Variants in DCTN4 observed in about 807,000 individuals in gnomAD.
DCTN4 encodes the protein dynactin 4 (p62).
Under a neutral mutation model 62.7 loss-of-function variants are expected in DCTN4, and 23 were observed. The observed-to-expected ratio is 0.37, with a 90% CI of 0.26 to 0.52. DCTN4 has a LOEUF of 0.52. Among genes scored for constraint, DCTN4 ranks in the 20% least tolerant of loss-of-function variants. The pLI is 0.92. For synonymous variants in DCTN4, 199 were observed against 202.1 expected, an observed-to-expected ratio of 0.98 and a Z score of 0.13; for missense variants, 514 against 580.4, an observed-to-expected ratio of 0.89 and a Z score of 1.18.
intron 11 of DCTN4, among the ~76,000 whole-genome samples, chr5:150,716,591 G>C (rs913904200): frequency 2.0e-5 from 3 of 152,076 alleles, no homozygotes; most frequent in Non-Finnish European, 4.4e-5. Flanking sequence ...ACTTATTTCT[G>C]TCTGTCTTAA....
At chr5:150,742,230 T>G in intron 3 of DCTN4, 73 bp from the exon 4 acceptor site, 1 of 1,465,850 alleles carries the variant, frequency 6.8e-7, no homozygotes, top group Non-Finnish European at 9.5e-7. Context: ...AAGTCTTCTG[T>G]AGGCCATAAA....
At chr5:150,746,327 A>C (rs1478781709) in intron 3 of DCTN4, among the ~76,000 whole-genome samples, 1 of 152,258 alleles carries the variant, frequency 6.6e-6, no homozygotes, top group Non-Finnish European at 1.5e-5. Context: ...GTCCAGGACC[A>C]GATGGAATCA....
intron 4 of DCTN4, among the ~76,000 whole-genome samples, chr5:150,741,564 T>G (rs1760772021): frequency 6.6e-6 from 1 of 152,180 alleles, no homozygotes. Context: ...CAATGCAGAC[T>G]CGAAAACCTA....
chr5:150,731,793 G>A (rs1760380191), intron 5 of DCTN4: 3 of 1,148,878 alleles, frequency 2.6e-6, no homozygotes, highest in Admixed American at 2.0e-5. Context: ...ACTATGTGGA[G>A]TGTCTAAGAT....
At chr5:150,720,444 AAT>A (rs1295334823) in intron 9 of DCTN4, among the ~76,000 whole-genome samples, 1 of 152,068 alleles carries the variant, frequency 6.6e-6, no homozygotes, top group African/African-American at 2.4e-5. Flanking sequence ...TAAGAATTTG[AAT>A]TCAGTAGGTC....
intron 1 of DCTN4, chr5:150,758,639 G>T: frequency 8.0e-7 from 1 of 1,248,400 alleles, no homozygotes; most frequent in African/African-American, 1.5e-5. Flanking sequence ...CCAATCAGAG[G>T]CCGCTCTAGA....
intron 2 of DCTN4, among the ~76,000 whole-genome samples, chr5:150,755,746 A>G (rs1003182120): frequency 2.0e-5 from 3 of 152,162 alleles, no homozygotes; most frequent in Admixed American, 1.3e-4. Flanking sequence ...ATATCCTGAA[A>G]AGAATCCTGG....
At chr5:150,738,371 AT>A (rs1760654572) in intron 4 of DCTN4, among the ~76,000 whole-genome samples, 1 of 152,296 alleles carries the variant, frequency 6.6e-6, no homozygotes, top group African/African-American at 2.4e-5. Flanking sequence ...CCTTAACGAA[AT>A]ACTAGTTAAC....
intron 8 of DCTN4, among the ~76,000 whole-genome samples, chr5:150,726,482 C>T (rs1284072728): frequency 6.6e-6 from 1 of 152,140 alleles, no homozygotes; most frequent in Non-Finnish European, 1.5e-5. Flanking sequence ...CAGTACAATT[C>T]ACTTAGTGGT....
intron 3 of DCTN4, among the ~76,000 whole-genome samples, chr5:150,748,103 A>C (rs1407537468): frequency 1.3e-5 from 2 of 152,186 alleles, no homozygotes; most frequent in South Asian, 2.1e-4. Flanking sequence ...AGAAAAAAAC[A>C]ACCTCATCAA....
intron 5 of DCTN4, chr5:150,731,999 GAAAA>G: frequency 9.4e-7 from 1 of 1,063,940 alleles, no homozygotes; most frequent in Non-Finnish European, 1.4e-6. Context: ...GGTTATATGG[GAAAA>G]TTGGAAGAAT....
At chr5:150,713,761 C>T (rs748042587) in intron 12 of DCTN4, among the ~76,000 whole-genome samples, 1 of 151,150 alleles carries the variant, frequency 6.6e-6, no homozygotes, top group African/African-American at 2.4e-5. Flanking sequence ...ATTTTTCTAA[C>T]CCACCTTGTT....
intron 4 of DCTN4, 112 bp downstream of exon 4, chr5:150,742,002 G>GT: frequency 1.1e-6 from 1 of 882,174 alleles, no homozygotes; most frequent in Middle Eastern, 2.2e-4. Flanking sequence ...GTGCAAAGAC[G>GT]TATTATGGAC....
At chr5:150,729,460 T>C (rs2113045738) in intron 8 of DCTN4, among the ~76,000 whole-genome samples, 1 of 152,246 alleles carries the variant, frequency 6.6e-6, no homozygotes, top group South Asian at 2.1e-4. Flanking sequence ...TTTATACTCT[T>C]ACCCATTCCT....
intron 8 of DCTN4, among the ~76,000 whole-genome samples, chr5:150,730,067 A>T (rs1475756413): frequency 1.3e-5 from 2 of 152,222 alleles, no homozygotes; most frequent in African/African-American, 4.8e-5. Context: ...CAGCTGCACT[A>T]TCACATTTCA....
intron 8 of DCTN4, among the ~76,000 whole-genome samples, chr5:150,723,681 G>C (rs866525859): frequency 8.5e-5 from 13 of 152,058 alleles, no homozygotes; most frequent in Middle Eastern, 3.2e-3. Context: ...CATATACCTG[G>C]TTAAAAATTT....
At chr5:150,732,933 G>A (rs1201262004) in intron 5 of DCTN4, among the ~76,000 whole-genome samples, 1 of 151,114 alleles carries the variant, frequency 6.6e-6, no homozygotes, top group African/African-American at 2.4e-5. Context: ...TGGAGAAACA[G>A]GGGAGGATGT....
chr5:150,727,369 T>G (rs1760183333), intron 8 of DCTN4, among the ~76,000 whole-genome samples: 1 of 152,188 alleles, frequency 6.6e-6, no homozygotes, highest in Non-Finnish European at 1.5e-5. Context: ...AAAGAGACCA[T>G]TTAATATATG....
At position 150,729,042 on chromosome 5, in the gene DCTN4, CTTTTTTTT is replaced by C. The variant is rs61106544; in HGVS notation, c.834+1581_834+1588del. ...ACAAGTGTGTGAACCACCACACTGG[CTTTTTTTT>C]TTTTTTTTTTTTTTTTTTTTTTTTG... On this transcript the variant is annotated intron_variant, in intron 8 of 12. Transcript: ENST00000447998. 5.8e-4 allele frequency among the ~76,000 whole-genome samples: 30 copies of C among 52,132 alleles called. 2 individuals are homozygous for C. Among genetic ancestry groups the C allele is most frequent in the African/African-American group, 2.2e-3 (29 of 13,122 alleles). The allele number at this position is 52,132 out of a possible 152,430, so 34.2% of individuals were successfully genotyped here.
Sources: gnomAD v4.1 joint callset for allele counts (sites outside exome capture counted in the v4.1 genomes callset) on GRCh38, gnomAD v4.1.1 for gene constraint, MANE v1.5 for transcripts, NCBI Gene and HGNC (gene_info 2026-07-23, HGNC 2026-07-21) for gene names.